PTPRR: variants seen among roughly 807,000 people sequenced by gnomAD.
PTPRR encodes the protein receptor-type tyrosine-protein phosphatase R.
Under a neutral mutation model 77.2 loss-of-function variants are expected in PTPRR, and 38 were observed. The observed-to-expected ratio is 0.49, with a 90% CI of 0.38 to 0.65. The LOEUF is 0.65. PTPRR is among the 30% of genes least tolerant of loss of function. The pLI is 0.00. For missense variants in PTPRR, 744 were observed against 799.2 expected (o/e 0.93, Z 0.83); for synonymous variants, 299 against 283.1 (o/e 1.06, Z -0.57).
At chr12:70,739,570 G>A (rs1361069805) in intron 6 of PTPRR, among the ~76,000 whole-genome samples, 2 of 152,160 alleles carry the variant, frequency 1.3e-5, no homozygotes, top group African/African-American at 4.8e-5. Flanking sequence ...GGAACCACAG[G>A]AGACACAGAG....
intron 2 of PTPRR, among the ~76,000 whole-genome samples, chr12:70,862,390 C>T (rs1258649809): frequency 2.0e-5 from 3 of 151,718 alleles, no homozygotes; most frequent in Non-Finnish European, 2.9e-5. Flanking sequence ...CACATATACA[C>T]CATGGAATAT....
chr12:70,812,687 C>T (rs1222038499), intron 2 of PTPRR, among the ~76,000 whole-genome samples: 1 of 152,190 alleles, frequency 6.6e-6, no homozygotes, highest in Non-Finnish European at 1.5e-5. Flanking sequence ...GCTTGAGAAG[C>T]AGTTCGATGT....
At chr12:70,681,186 T>G (rs1383983176) in intron 10 of PTPRR, among the ~76,000 whole-genome samples, 1 of 152,048 alleles carries the variant, frequency 6.6e-6, no homozygotes, top group East Asian at 1.9e-4. Flanking sequence ...TGTGTGAAGG[T>G]AGTGTAATGG....
chr12:70,900,303 C>A (rs566686000), intron 1 of PTPRR, among the ~76,000 whole-genome samples: 30 of 151,414 alleles, frequency 2.0e-4, no homozygotes, highest in African/African-American at 6.8e-4. Flanking sequence ...AATAGACAAA[C>A]AGATCAATGG....
chr12:70,820,554 C>T (rs746638983), intron 2 of PTPRR, among the ~76,000 whole-genome samples: 64 of 152,146 alleles, frequency 4.2e-4, no homozygotes, highest in Non-Finnish European at 5.9e-4. Flanking sequence ...AGGGTGGTCT[C>T]GATCTCCTGA....
intron 2 of PTPRR, among the ~76,000 whole-genome samples, chr12:70,803,475 C>G (rs1891652864): frequency 6.6e-6 from 1 of 151,966 alleles, no homozygotes; most frequent in South Asian, 2.1e-4. Flanking sequence ...AGACAAGAGG[C>G]CAACAAGTAC....
chr12:70,915,840 T>C (rs1340410459), intron 1 of PTPRR, among the ~76,000 whole-genome samples: 2 of 152,118 alleles, frequency 1.3e-5, no homozygotes, highest in Admixed American at 6.6e-5. Flanking sequence ...GTTAAGAAGA[T>C]ATTAAATGCA....
chr12:70,779,321 C>G (rs1891154445), intron 2 of PTPRR, among the ~76,000 whole-genome samples: 1 of 152,116 alleles, frequency 6.6e-6, no homozygotes, highest in South Asian at 2.1e-4. Context: ...ATCTCATAGA[C>G]CTTTTTCAAG....
chr12:70,723,654 G>A (rs1322030625), intron 6 of PTPRR, among the ~76,000 whole-genome samples: 3 of 152,104 alleles, frequency 2.0e-5, no homozygotes, highest in Non-Finnish European at 4.4e-5. Flanking sequence ...CTTTCAAAAT[G>A]TGGGATTATA....
At chr12:70,886,685 T>C (rs1592815288) in intron 2 of PTPRR, among the ~76,000 whole-genome samples, 1 of 152,242 alleles carries the variant, frequency 6.6e-6, no homozygotes, top group East Asian at 1.9e-4. Context: ...CGAGATCATA[T>C]AATGGGTAAT....
At chr12:70,907,552 G>C (rs1040051629) in intron 1 of PTPRR, among the ~76,000 whole-genome samples, 1 of 152,078 alleles carries the variant, frequency 6.6e-6, no homozygotes, top group African/African-American at 2.4e-5. Flanking sequence ...GCAATGAAAG[G>C]GGTTCATGTT....
chr12:70,671,959 G>T, intron 10 of PTPRR: 4 of 1,152,870 alleles, frequency 3.5e-6, no homozygotes, highest in Non-Finnish European at 3.9e-6. Context: ...CAGCTCTGCT[G>T]CAGGCTCAGA....
intron 6 of PTPRR, among the ~76,000 whole-genome samples, chr12:70,733,728 T>C (rs988115451): frequency 1.3e-5 from 2 of 152,136 alleles, no homozygotes; most frequent in East Asian, 1.9e-4. Flanking sequence ...CAGAAAAAGA[T>C]AGTTTTATAT....
At chr12:70,672,000 G>A (rs1484148884) in intron 10 of PTPRR, 1 of 1,306,566 alleles carries the variant, frequency 7.7e-7, no homozygotes, top group Non-Finnish European at 1.1e-6. Flanking sequence ...AGAGACATGA[G>A]ACTAGTCCAG....
chr12:70,778,974 T>C (rs1410360188), intron 2 of PTPRR, among the ~76,000 whole-genome samples: 2 of 152,124 alleles, frequency 1.3e-5, no homozygotes, highest in Non-Finnish European at 2.9e-5. Flanking sequence ...GCCTCCCAAG[T>C]AGCTGGGATT....
intron 8 of PTPRR, among the ~76,000 whole-genome samples, chr12:70,689,562 TGTTTATAC>T (rs1887986220): frequency 6.6e-6 from 1 of 152,168 alleles, no homozygotes. Flanking sequence ...ATTATTCCAT[TGTTTATAC>T]GTATCTTCCG....
chr12:70,817,459 TTAGAGG>T (rs1475933418), intron 2 of PTPRR, among the ~76,000 whole-genome samples: 2 of 152,206 alleles, frequency 1.3e-5, no homozygotes, highest in Admixed American at 6.5e-5. Context: ...ACTGAACTAC[TTAGAGG>T]TAAAGAGCCA....
chr12:70,733,017 C>G (rs1466280025), intron 6 of PTPRR, among the ~76,000 whole-genome samples: 4 of 151,980 alleles, frequency 2.6e-5, no homozygotes, highest in Non-Finnish European at 4.4e-5. Context: ...TGAGGGAAAT[C>G]AAAGCCGAGA....
At chr12:70,713,390 T>C (rs1182503129) in intron 6 of PTPRR, among the ~76,000 whole-genome samples, 1 of 152,206 alleles carries the variant, frequency 6.6e-6, no homozygotes, top group Non-Finnish European at 1.5e-5. Context: ...ACATATGTTT[T>C]CATTTCTTTT....
Sources: allele counts gnomAD v4.1 joint callset (sites outside exome capture counted in the v4.1 genomes callset), GRCh38; gene constraint gnomAD v4.1.1; transcripts MANE v1.5; gene names NCBI Gene and HGNC (gene_info 2026-07-23, HGNC 2026-07-21).